Variants in ANGPTL2 observed in about 807,000 individuals in gnomAD.
ANGPTL2 encodes the protein angiopoietin-related protein 2.
Under a neutral mutation model 52.8 loss-of-function variants are expected in ANGPTL2, and 25 were observed. That is an observed-to-expected ratio of 0.47 (90% confidence interval 0.35 to 0.66). The LOEUF (loss-of-function observed/expected upper bound fraction) is 0.66. Among genes scored for constraint, ANGPTL2 ranks in the 30% least tolerant of loss-of-function variants. The pLI is 0.01. For synonymous variants in ANGPTL2, 276 were observed against 277.4 expected, an observed-to-expected ratio of 1.00 and a Z score of 0.05; for missense variants, 546 against 656.9, an observed-to-expected ratio of 0.83 and a Z score of 1.84.
chr9:127,093,986 G>C lies in ANGPTL2; in HGVS notation c.818-60C>G, dbSNP rs1380997227. Reference sequence around the variant, plus strand: ...TGCCTGTCACCAGGCCGCACCCCCAGCTGCACCCCAAGCAGGCACAACCTC... The same window carrying C: ...TGCCTGTCACCAGGCCGCACCCCCACCTGCACCCCAAGCAGGCACAACCTC... On this transcript the variant is annotated intron_variant, in intron 2 of 4. Coordinates refer to ENST00000373425, the MANE Select transcript of ANGPTL2 (RefSeq NM_012098.3). 3.2e-6 allele frequency: 5 copies of C among 1,565,672 alleles called. No individual in the cohort carries two copies. In the African/African-American group the frequency reaches 6.8e-5, roughly 21 times the overall value.
At chr9:127,095,065 G>A (rs189865926) in intron 2 of ANGPTL2, among the ~76,000 whole-genome samples, 1 of 152,326 alleles carries the variant, frequency 6.6e-6, no homozygotes, top group Non-Finnish European at 1.5e-5. Flanking sequence ...GAAAATGGCT[G>A]AAAGAAAGAA....
chr9:127,089,285 G>C (rs1231182839), intron 4 of ANGPTL2, 147 bp from the exon 5 acceptor site: 2 of 794,172 alleles, frequency 2.5e-6, no homozygotes, highest in Admixed American at 4.9e-5. Context: ...TGGGTGGTGA[G>C]AGGCCATGCT....
chr9:127,107,314 G>T (rs2054312846), intron 2 of ANGPTL2, among the ~76,000 whole-genome samples: 1 of 152,100 alleles, frequency 6.6e-6, no homozygotes. Flanking sequence ...CCCCCATAAC[G>T]GTATTCGGAG....
rs767486774 is a variant in ANGPTL2 at position 127,108,573 on chromosome 9, C to T, written c.159G>A (p.Lys53=). ...RYKRAGESQD[K]CTYTFIVPQQ... ...GGGGCACAATGAAGGTGTAGGTGCA[C>T]TTGTCCTGGGACTCGCCCGCCCGCT... The change falls in exon 2 of 5, where the codon AAG becomes AAA. Residue 53 remains lysine (K), a synonymous_variant. Transcript: ENST00000373425. 2 of 1,613,580 alleles carry T rather than the reference C, an allele frequency of 1.2e-6. No homozygotes were observed. Among genetic ancestry groups the T allele is most frequent in the East Asian group, 2.2e-5 (1 of 44,822 alleles).
intron 1 of ANGPTL2, among the ~76,000 whole-genome samples, chr9:127,118,503 G>C (rs2055690354): frequency 6.6e-6 from 1 of 152,114 alleles, no homozygotes; most frequent in African/African-American, 2.4e-5. Flanking sequence ...GATGGCAGCA[G>C]GCTGGGGTGG....
At chr9:127,095,005 T>C (rs1293578948) in intron 2 of ANGPTL2, among the ~76,000 whole-genome samples, 1 of 152,234 alleles carries the variant, frequency 6.6e-6, no homozygotes, top group Non-Finnish European at 1.5e-5. Context: ...CTGGGGCCTT[T>C]CTCATTGATC....
rs968011060 is a variant in ANGPTL2, at chr9:127,120,827, CA to C, written c.-50+1487del. Among the ~76,000 whole-genome samples the C allele has an allele frequency of 4.9e-3, 597 of 121,590 alleles. 2 individuals carry two copies. Among genetic ancestry groups the C allele is most frequent in the African/African-American group, 6.9e-3 (225 of 32,824 alleles). 79.8% of individuals were successfully genotyped at this position (121,590 alleles called of 152,430 possible). On this transcript the variant is annotated intron_variant, in intron 1 of 4. Coordinates refer to ENST00000373425, the MANE Select transcript of ANGPTL2 (RefSeq NM_012098.3). ...TGGGTGACAGAGCGAGACTCCATCT[CA>C]AAAAAAAAAAAAAAGAATTCGTGTC...
chr9:127,122,112 A>G lies in ANGPTL2; in HGVS notation c.-50+203T>C, dbSNP rs889508927. Among the ~76,000 whole-genome samples the G allele has an allele frequency of 6.6e-6, 1 of 152,148 alleles. No individual in the cohort carries two copies. Among genetic ancestry groups the G allele is most frequent in the African/African-American group, 2.4e-5 (1 of 41,428 alleles). On this transcript the variant is annotated intron_variant, in intron 1 of 4. Coordinates refer to ENST00000373425, the MANE Select transcript of ANGPTL2 (RefSeq NM_012098.3). This position sits in a 1 kb window ranked among gnomAD's most constrained non-coding sequence, Gnocchi z 6.4. The stretch of plus-strand genomic sequence containing the variant: ...GTCCTCGAGATGCCAGCCCATGATC[A>G]TGTGCCCCCAAACACCACCAAATGT...
intron 4 of ANGPTL2, 113 bp from the exon 5 acceptor site, chr9:127,089,251 G>C (rs2052153643): frequency 6.1e-6 from 7 of 1,141,756 alleles, no homozygotes. Flanking sequence ...GAGCAAGAAC[G>C]CTTGAAAGGT....
At position 127,099,471 on chromosome 9, in the gene ANGPTL2, A is replaced by G. The variant is rs143979952; in HGVS notation, c.818-5545T>C. On this transcript the variant is annotated intron_variant, in intron 2 of 4. Transcript: ENST00000373425. ...GGATCTGCAATTTCCTACCCAAATT[A>G]ATGCATCTGAGTGCCACGGCACGTG... 8.9e-3 allele frequency among the ~76,000 whole-genome samples: 1,358 copies of G among 152,276 alleles called. 8 individuals carry two copies. Among genetic ancestry groups the G allele is most frequent in the Non-Finnish European group, 0.012 (821 of 68,016 alleles).
At chr9:127,092,030 G>T in intron 3 of ANGPTL2, 90 bp from the exon 4 acceptor site, 1 of 1,504,782 alleles carries the variant, frequency 6.6e-7, no homozygotes, top group Non-Finnish European at 9.0e-7. Context: ...CTGGATAGAG[G>T]GGCCTGGGAA....
At position 127,091,189 on chromosome 9, in the gene ANGPTL2, T is replaced by C. The variant is rs1220887936; in HGVS notation, c.1282+481A>G. Among the ~76,000 whole-genome samples, 1 of 152,254 alleles carries C rather than the reference T, an allele frequency of 6.6e-6. No individual in the cohort carries two copies. Among genetic ancestry groups the C allele is most frequent in the Non-Finnish European group, 1.5e-5 (1 of 68,040 alleles). On this transcript the variant is annotated intron_variant, in intron 4 of 4. Coordinates refer to ENST00000373425, the MANE Select transcript of ANGPTL2 (RefSeq NM_012098.3). This position sits in a 1 kb window ranked among gnomAD's most constrained non-coding sequence, Gnocchi z 4.3. Reference sequence around the variant, plus strand: ...TTCTCCCTACTCTGCAATGTAGTTCTTGTCCTTACTTCCAGATGCAGAAAC... The same window carrying C: ...TTCTCCCTACTCTGCAATGTAGTTCCTGTCCTTACTTCCAGATGCAGAAAC...
intron 2 of ANGPTL2, chr9:127,107,235 A>T (rs1378469194): frequency 1.3e-5 from 2 of 152,234 alleles, no homozygotes; most frequent in Non-Finnish European, 2.9e-5. Flanking sequence ...TTAATTATGT[A>T]ACATACATGG....
At chr9:127,093,371 T>C (rs1205790703) in intron 3 of ANGPTL2, among the ~76,000 whole-genome samples, 1 of 152,020 alleles carries the variant, frequency 6.6e-6, no homozygotes, top group Non-Finnish European at 1.5e-5. Context: ...TGAGAGCGGG[T>C]CTTTCCCCAT....
intron 1 of ANGPTL2, among the ~76,000 whole-genome samples, chr9:127,112,478 A>G (rs780040840): frequency 3.5e-4 from 53 of 152,370 alleles, no homozygotes; most frequent in Admixed American, 1.3e-4. Flanking sequence ...CCAGAGGCCC[A>G]GGAGGCAACC....
In ANGPTL2 at chr9:127,091,525, G is replaced by A. The variant is rs924329907; in HGVS notation, c.1282+145C>T. On this transcript the variant is annotated intron_variant, in intron 4 of 4. Transcript: ENST00000373425. This position sits in a 1 kb window ranked among gnomAD's most constrained non-coding sequence, Gnocchi z 4.3. ...CTGTGGGCAGGAGAAGGGACCCTCA[G>A]GGGGTGGTAACAGGGTCAGGCAGCT... is the stretch of plus-strand genomic sequence containing the variant. 8.9e-7 allele frequency: 1 copy of A among 1,118,162 alleles called. No homozygotes were observed. Among genetic ancestry groups the A allele is most frequent in the Non-Finnish European group, 1.3e-6 (1 of 785,712 alleles). The allele number at this position is 1,118,162 out of a possible 1,614,324, so 69.3% of individuals were successfully genotyped here. A position where few individuals can be genotyped will look rare whatever the true frequency, so the allele number is the denominator to read the frequency against.
chr9:127,093,885 C>T lies in ANGPTL2; in HGVS notation c.859G>A (p.Asp287Asn), dbSNP rs1326631657. The change falls in exon 3 of 5, where the codon GAC becomes AAC. Residue 287 changes from aspartate to asparagine, a missense_variant. Asp to Asn is a conservative substitution (Grantham distance 23). Coordinates refer to ENST00000373425, the MANE Select transcript of ANGPTL2 (RefSeq NM_012098.3). ...DCLQALEDGH[D>N]TSSIYLVKPE... ...TTCACCAGGTAGATGGAGCTGGTGT[C>T]GTGGCCATCCTCCAGGGCCTGCAGG... is the stretch of plus-strand genomic sequence containing the variant. The T allele has an allele frequency of 4.3e-6, 7 of 1,613,898 alleles. No homozygotes were observed. The highest frequency in any genetic ancestry group is 2.7e-5 in the African/African-American group (2 of 74,878).
At chr9:127,097,537 G>A (rs924452730) in intron 2 of ANGPTL2, among the ~76,000 whole-genome samples, 1 of 152,208 alleles carries the variant, frequency 6.6e-6, no homozygotes, top group African/African-American at 2.4e-5. Flanking sequence ...AAAGGCACCA[G>A]TGGCAAAGGT....
chr9:127,112,351 G>GGC (rs2054913504), intron 1 of ANGPTL2, among the ~76,000 whole-genome samples: 1 of 152,228 alleles, frequency 6.6e-6, no homozygotes, highest in Admixed American at 6.5e-5. Flanking sequence ...CCCGACCCTG[G>GGC]GCTAGGGCAG....
Sources: gnomAD v4.1 joint callset for allele counts (sites outside exome capture counted in the v4.1 genomes callset) on GRCh38, gnomAD v4.1.1 for gene constraint, Gnocchi (gnomAD v3.1) non-coding constraint, MANE v1.5 for transcripts, NCBI Gene and HGNC (gene_info 2026-07-23, HGNC 2026-07-21) for gene names.